The following RFTN1 variants were observed in gnomAD, a reference collection of about 807,000 sequenced individuals.
The protein encoded by RFTN1 is raftlin.
In RFTN1, 26 loss-of-function variants were observed where a neutral mutation model predicts 46.5. The ratio of observed to expected loss-of-function variants is 0.56; its 90% confidence interval spans 0.41 to 0.78. The LOEUF is 0.78. Ranked by LOEUF, RFTN1 falls within the 30% of genes least tolerant of loss-of-function variation. The pLI is 0.00. For synonymous variants in RFTN1, 261 were observed against 284.2 expected, an observed-to-expected ratio of 0.92 and a Z score of 0.82; for missense variants, 693 against 718.7, an observed-to-expected ratio of 0.96 and a Z score of 0.41.
chr3:16,453,136 T>G (rs1485796134), intron 2 of RFTN1, among the ~76,000 whole-genome samples: 2 of 152,338 alleles, frequency 1.3e-5, no homozygotes, highest in East Asian at 3.9e-4. Flanking sequence ...GAGAAAACTC[T>G]GGACCAGAGA....
chr3:16,373,932 A>G (rs1287860329), intron 5 of RFTN1, among the ~76,000 whole-genome samples: 6 of 152,214 alleles, frequency 3.9e-5, no homozygotes, highest in Admixed American at 3.3e-4. Context: ...AAATCTGGGC[A>G]AGGCTGCTCA....
chr3:16,483,744 C>T lies in RFTN1; in HGVS notation c.145+9981G>A, dbSNP rs1194664707. Among the ~76,000 whole-genome samples the T allele has an allele frequency of 7.3e-5, 11 of 150,408 alleles. No homozygotes were observed. Among genetic ancestry groups the T allele is most frequent in the African/African-American group, 2.7e-4 (11 of 40,756 alleles). On this transcript the variant is annotated intron_variant, in intron 2 of 9. Coordinates refer to ENST00000334133, the MANE Select transcript of RFTN1 (RefSeq NM_015150.2). This position sits in a 1 kb window ranked among gnomAD's most constrained non-coding sequence, Gnocchi z 4.8. ...TCACACTAGTATAATTTTTTTCTGC[C>T]ATCTCCACTCAAATTAAAAAAAAAA...
rs751671236 is a variant in RFTN1, at chr3:16,512,108, C to T, written c.-9+1334G>A. Among the ~76,000 whole-genome samples the T allele has an allele frequency of 1.9e-4, 29 of 152,274 alleles. No individual in the cohort carries two copies. Among genetic ancestry groups the T allele is most frequent in the Non-Finnish European group, 3.4e-4 (23 of 68,012 alleles). ...GAGTCCCAAACAGCTTGCTTCGTAA[C>T]CCCTCTCTGGGGTTTGGTGACATCT... is the stretch of plus-strand genomic sequence containing the variant. On this transcript the variant is annotated intron_variant, in intron 1 of 9. Coordinates refer to ENST00000334133, the MANE Select transcript of RFTN1 (RefSeq NM_015150.2). This position sits in a 1 kb window ranked among gnomAD's most constrained non-coding sequence, Gnocchi z 4.3.
rs2076326771 is a variant in RFTN1 at position 16,479,061 on chromosome 3, CATGCT to C, written c.145+14659_145+14663del. Among the ~76,000 whole-genome samples, 1 of 152,158 alleles carries C rather than the reference CATGCT, an allele frequency of 6.6e-6. No homozygotes were observed. Among genetic ancestry groups the C allele is most frequent in the African/African-American group, 2.4e-5 (1 of 41,424 alleles). ...GGGGGCCATCTTGGCAGATGTCCAC[CATGCT>C]ACTTGATATCATAACACTAATGAGC... On this transcript the variant is annotated intron_variant, in intron 2 of 9. Transcript: ENST00000334133. This position sits in a 1 kb window ranked among gnomAD's most constrained non-coding sequence, Gnocchi z 5.1.
chr3:16,332,751 C>T (rs2070450712), intron 7 of RFTN1, among the ~76,000 whole-genome samples: 1 of 152,172 alleles, frequency 6.6e-6, no homozygotes, highest in Admixed American at 6.5e-5. Flanking sequence ...CCTCTATCTA[C>T]TTTCCATCTA....
Position 16,322,226 on chromosome 3 carries a change from C to T in RFTN1, c.1332+1150G>A, listed in dbSNP as rs2125194306. Among the ~76,000 whole-genome samples the T allele has an allele frequency of 6.6e-6, 1 of 152,326 alleles. No individual in the cohort carries two copies. The stretch of plus-strand genomic sequence containing the variant: ...CCCTTCTGGTCCATTGTGCCGTCAC[C>T]TGTCACATTACACCTTCAGAGCCTG... On this transcript the variant is annotated intron_variant, in intron 9 of 9. Coordinates refer to ENST00000334133, the MANE Select transcript of RFTN1 (RefSeq NM_015150.2). This position sits in a 1 kb window ranked among gnomAD's most constrained non-coding sequence, Gnocchi z 6.2.
chr3:16,421,647 G>A lies in RFTN1; in HGVS notation c.333-12164C>T, dbSNP rs953118586. ...TTACAGGTGTGAGCCACCACGCCCA[G>A]CCCAACATTGGTGTTTTAATCTCAT... is the stretch of plus-strand genomic sequence containing the variant. On this transcript the variant is annotated intron_variant, in intron 3 of 9. Transcript: ENST00000334133. The surrounding 1 kb of genome is among the most constrained non-coding windows in gnomAD (Gnocchi z 4.6). Among the ~76,000 whole-genome samples the A allele has an allele frequency of 2.0e-5, 3 of 152,164 alleles. No homozygotes were observed. Among genetic ancestry groups the A allele is most frequent in the African/African-American group, 7.2e-5 (3 of 41,426 alleles).
At chr3:16,360,393 C>T (rs997487470) in intron 6 of RFTN1, among the ~76,000 whole-genome samples, 2 of 152,194 alleles carry the variant, frequency 1.3e-5, no homozygotes, top group African/African-American at 4.8e-5. Flanking sequence ...TAGTTTCGGA[C>T]TGCTGGACTC....
Position 16,409,408 on chromosome 3 carries a change from T to C in RFTN1, c.408A>G (p.Thr136=), listed in dbSNP as rs1309685523. The C allele has an allele frequency of 1.9e-6, 3 of 1,613,568 alleles. No individual in the cohort carries two copies. In the South Asian group the frequency reaches 3.3e-5, roughly 18 times the overall value. Residue 136 remains threonine, a synonymous_variant, in exon 4 of 10, where the codon ACA becomes ACG. Coordinates refer to ENST00000334133, the MANE Select transcript of RFTN1 (RefSeq NM_015150.2). The part of the protein sequence containing the change: ...LDCCSSLDHP[T]DQKLIPEFIK... ...TGAACTCTGGGATGAGTTTCTGGTC[T>C]GTCGGGTGGTCTAAGGAGGAACAGC...
intron 2 of RFTN1, among the ~76,000 whole-genome samples, chr3:16,467,590 G>A (rs1332741707): frequency 6.6e-6 from 1 of 152,246 alleles, no homozygotes; most frequent in Admixed American, 6.5e-5. Context: ...TGAGCCCGGG[G>A]AATGCCCAGG....
rs11328874 is a variant in RFTN1 at position 16,468,631 on chromosome 3, T to TAAAAAAAAAAAAAAAAAAAAATTAAAAAA, written c.145+25093_145+25094insTTTTTTAATTTTTTTTTTTTTTTTTTTTT. Among the ~76,000 whole-genome samples, 1 of 100,166 alleles carries TAAAAAAAAAAAAAAAAAAAAATTAAAAAA rather than the reference T, an allele frequency of 1.0e-5. No individual in the cohort carries two copies. The highest frequency in any genetic ancestry group is 2.2e-5 in the Non-Finnish European group (1 of 45,384). The allele number at this position is 100,166 out of a possible 152,430, so 65.7% of individuals were successfully genotyped here. On this transcript the variant is annotated intron_variant, in intron 2 of 9. Coordinates refer to ENST00000334133, the MANE Select transcript of RFTN1 (RefSeq NM_015150.2). This position sits in a 1 kb window ranked among gnomAD's most constrained non-coding sequence, Gnocchi z 4.4. ...CCTCACGTACAACCCAGCGTTTGAGTAAAAAAAAAAAAAAAAAAAACTTTA... is the reference window on the plus strand; with the variant it reads ...CCTCACGTACAACCCAGCGTTTGAGTAAAAAAAAAAAAAAAAAAAAATTAAAAAAAAAAAAAAAAAAAAAAAAAACTTTA...
At chr3:16,419,498 T>C (rs2075146866) in intron 3 of RFTN1, among the ~76,000 whole-genome samples, 1 of 152,148 alleles carries the variant, frequency 6.6e-6, no homozygotes, top group East Asian at 1.9e-4. Flanking sequence ...AAGAGCAGTA[T>C]TTCTTGTCCC....
At chr3:16,375,675 A>G (rs2073740749) in intron 5 of RFTN1, among the ~76,000 whole-genome samples, 1 of 152,238 alleles carries the variant, frequency 6.6e-6, no homozygotes, top group South Asian at 2.1e-4. Flanking sequence ...TTATGTGTAG[A>G]GACAGGCAGT....
Position 16,326,863 on chromosome 3 carries a change from T to C in RFTN1, c.1160A>G (p.Gln387Arg). Residue 387 changes from glutamine (Q) to arginine (R), a missense_variant, in exon 8 of 10, where the codon CAG becomes CGG. Coordinates refer to ENST00000334133, the MANE Select transcript of RFTN1 (RefSeq NM_015150.2). The part of the protein sequence containing the change: ...QWTVLEGVEV[Q>R]TDYVPLLNSL... Reference sequence around the variant, plus strand: ...GTTCAGCAGGGGCACGTAGTCTGTCTGCACTTCGACACCCTGGGGGAACAA... The same window carrying C: ...GTTCAGCAGGGGCACGTAGTCTGTCCGCACTTCGACACCCTGGGGGAACAA... 1 of 1,613,812 alleles carries C rather than the reference T, an allele frequency of 6.2e-7. No homozygotes were observed. Among genetic ancestry groups the C allele is most frequent in the Non-Finnish European group, 8.5e-7 (1 of 1,179,922 alleles).
At chr3:16,415,424 TATATATAC>T (rs2075055054) in intron 3 of RFTN1, among the ~76,000 whole-genome samples, 1 of 90,744 alleles carries the variant, frequency 1.1e-5, no homozygotes, top group African/African-American at 3.0e-5. Flanking sequence ...TATATATATA[TATATATAC>T]ACACACACAC....
At position 16,427,186 on chromosome 3, in the gene RFTN1, T is replaced by C. The variant is rs1281889727; in HGVS notation, c.332+6665A>G. Among the ~76,000 whole-genome samples, 1 of 152,158 alleles carries C rather than the reference T, an allele frequency of 6.6e-6. No homozygotes were observed. Among genetic ancestry groups the C allele is most frequent in the African/African-American group, 2.4e-5 (1 of 41,430 alleles). On this transcript the variant is annotated intron_variant, in intron 3 of 9. Transcript: ENST00000334133. This position sits in a 1 kb window ranked among gnomAD's most constrained non-coding sequence, Gnocchi z 5.4. ...TAAAAGAGAAGTTTTCACATAAAAA[T>C]CCAGATTTCTGGCTTTTCTTGAAAA... is the stretch of plus-strand genomic sequence containing the variant.
At chr3:16,347,798 C>T (rs748919773) in intron 7 of RFTN1, 4 of 152,182 alleles carry the variant, frequency 2.6e-5, no homozygotes, top group African/African-American at 7.2e-5. Flanking sequence ...ACTTTTATCT[C>T]GATTTGCAAT....
chr3:16,419,230 A>G (rs536958053), intron 3 of RFTN1, among the ~76,000 whole-genome samples: 82 of 152,304 alleles, frequency 5.4e-4, no homozygotes, highest in African/African-American at 1.8e-3. Flanking sequence ...CCACTGTTAG[A>G]ACGAGTCTGT....
At chr3:16,350,611 G>A (rs1414730211) in intron 7 of RFTN1, among the ~76,000 whole-genome samples, 4 of 152,050 alleles carry the variant, frequency 2.6e-5, no homozygotes, top group African/African-American at 7.2e-5. Flanking sequence ...TACTGAAGGC[G>A]CTGCTAAAGT....
Sources: allele counts gnomAD v4.1 joint callset (sites outside exome capture counted in the v4.1 genomes callset), GRCh38; gene constraint gnomAD v4.1.1; non-coding constraint Gnocchi (gnomAD v3.1); transcripts MANE v1.5; gene names NCBI Gene and HGNC (gene_info 2026-07-23, HGNC 2026-07-21).